The following SZRD1 variants were observed in gnomAD, a reference collection of about 807,000 sequenced individuals.
SZRD1 encodes the protein SUZ RNA binding domain containing 1.
A neutral mutation model predicts 17.6 loss-of-function variants in SZRD1; 7 were observed. The observed-to-expected ratio is 0.40, with a 90% CI of 0.23 to 0.75. SZRD1 has a LOEUF of 0.75. Among genes scored for constraint, SZRD1 ranks in the 30% least tolerant of loss-of-function variants. The pLI is 0.38. For missense variants in SZRD1, 178 were observed against 201.8 expected (o/e 0.88, Z 0.71); for synonymous variants, 77 against 77.9 (o/e 0.99, Z 0.06).
chr1:16,384,100 A>T (rs2083150307), intron 1 of SZRD1, among the ~76,000 whole-genome samples: 1 of 152,198 alleles, frequency 6.6e-6, no homozygotes. Flanking sequence ...GAATAATTAC[A>T]GGAGCATTGG....
chr1:16,394,692 G>A lies in SZRD1; in HGVS notation c.357-346G>A, dbSNP rs114307130. ...TTAAGATGGGGGACATCTAGGCCAG[G>A]TGCAGTAATCCCAGTACTTTGAGAG... On this transcript the variant is annotated intron_variant, in intron 3 of 3. Coordinates refer to ENST00000401088, the MANE Select transcript of SZRD1 (RefSeq NM_001114600.3). 8.4e-3 allele frequency among the ~76,000 whole-genome samples: 1,255 copies of A among 150,192 alleles called. 11 individuals are homozygous for A. The highest frequency in any genetic ancestry group is 0.029 in the African/African-American group (1,194 of 41,366).
At chr1:16,369,771 C>T (rs1167589823) in intron 1 of SZRD1, among the ~76,000 whole-genome samples, 2 of 151,908 alleles carry the variant, frequency 1.3e-5, no homozygotes, top group South Asian at 2.1e-4. Context: ...TACCTGTAAT[C>T]CTAGCTACTT....
intron 1 of SZRD1, among the ~76,000 whole-genome samples, chr1:16,378,134 C>A (rs1431717438): frequency 6.6e-6 from 1 of 152,124 alleles, no homozygotes; most frequent in Non-Finnish European, 1.5e-5. Context: ...CTGAGTGTAT[C>A]CCTCCGGCAT....
intron 1 of SZRD1, among the ~76,000 whole-genome samples, chr1:16,377,884 A>G (rs1469546219): frequency 1.3e-5 from 2 of 152,124 alleles, no homozygotes; most frequent in African/African-American, 4.8e-5. Context: ...TGTAGCCTCT[A>G]TCTGGTTTGG....
intron 1 of SZRD1, among the ~76,000 whole-genome samples, chr1:16,390,211 G>T (rs977260314): frequency 6.6e-6 from 1 of 152,224 alleles, no homozygotes; most frequent in African/African-American, 2.4e-5. Flanking sequence ...CCGTAGGGCA[G>T]CCAAGCAGCC....
At chr1:16,383,591 CT>C (rs150790343) in intron 1 of SZRD1, among the ~76,000 whole-genome samples, 3 of 143,164 alleles carry the variant, frequency 2.1e-5, no homozygotes, top group Admixed American at 1.4e-4. Context: ...TAATTTTTTT[CT>C]TTTTTTTTCT....
intron 1 of SZRD1, among the ~76,000 whole-genome samples, chr1:16,374,484 A>G (rs778334300): frequency 6.6e-6 from 1 of 152,228 alleles, no homozygotes; most frequent in Non-Finnish European, 1.5e-5. Flanking sequence ...GAGAGCTGCC[A>G]TGGTTGCCGT....
intron 1 of SZRD1, among the ~76,000 whole-genome samples, chr1:16,384,738 T>C (rs1182122980): frequency 6.6e-6 from 1 of 152,202 alleles, no homozygotes; most frequent in East Asian, 1.9e-4. Context: ...CTATCCCTTA[T>C]TTCTTCTCTT....
Position 16,395,245 on chromosome 1 carries a change from C to T in SZRD1, c.*105C>T, listed in dbSNP as rs539896944. ...GACAGCTGGACTTGAGCAGAGGGAA[C>T]GACCTGACTTACTTGCACTGTGATC... On this transcript the variant is annotated 3_prime_UTR_variant, in exon 4 of 4. Coordinates refer to ENST00000401088, the MANE Select transcript of SZRD1 (RefSeq NM_001114600.3). 5.7e-5 allele frequency: 46 copies of T among 802,594 alleles called. No individual in the cohort carries two copies. The highest frequency in any genetic ancestry group is 2.0e-4 in the Admixed American group (10 of 50,898). The allele number at this position is 802,594 out of a possible 1,614,324, so 49.7% of individuals were successfully genotyped here. A position where few individuals can be genotyped will look rare whatever the true frequency, so the allele number is the denominator to read the frequency against.
intron 1 of SZRD1, among the ~76,000 whole-genome samples, chr1:16,374,270 G>A (rs1226918363): frequency 6.6e-6 from 1 of 152,180 alleles, no homozygotes; most frequent in Admixed American, 6.5e-5. Context: ...GGACTGTGAT[G>A]TCCTCAGAAG....
chr1:16,393,627 C>T lies in SZRD1; in HGVS notation c.356+145C>T. On this transcript the variant is annotated intron_variant, in intron 3 of 3. Coordinates refer to ENST00000401088, the MANE Select transcript of SZRD1 (RefSeq NM_001114600.3). The surrounding 1 kb of genome is among the most constrained non-coding windows in gnomAD (Gnocchi z 5.6). ...AGCTCCACTTGCTGATCCCAGCCTG[C>T]TGGCACTAGTTCACTGTGCCGCATT... is the stretch of plus-strand genomic sequence containing the variant. The T allele has an allele frequency of 1.4e-5, 13 of 909,226 alleles. No homozygotes were observed. In the South Asian group the frequency reaches 1.5e-4, roughly 11 times the overall value. 56.3% of individuals were successfully genotyped at this position (909,226 alleles called of 1,614,324 possible).
At chr1:16,369,121 T>G (rs1220259298) in intron 1 of SZRD1, 1 of 394,590 alleles carries the variant, frequency 2.5e-6, no homozygotes, top group Non-Finnish European at 4.5e-6. Flanking sequence ...ATTGAAAAAC[T>G]TATACAAAAT....
intron 1 of SZRD1, among the ~76,000 whole-genome samples, chr1:16,369,887 C>CAAA (rs565655605): frequency 1.6e-5 from 2 of 124,764 alleles, no homozygotes; most frequent in Non-Finnish European, 1.7e-5. Flanking sequence ...GAAACTCCAT[C>CAAA]AAAAAAAAAA....
rs41302001 is a variant in SZRD1 at position 16,391,476 on chromosome 1, G to A, written c.101+52G>A. Reference sequence around the variant, plus strand: ...TCATGCTCTCTGTGGTTTGAGAGCCGGGCAGTCAGTGGTGTTCTCCAGCTG... The same window carrying A: ...TCATGCTCTCTGTGGTTTGAGAGCCAGGCAGTCAGTGGTGTTCTCCAGCTG... On this transcript the variant is annotated intron_variant, in intron 2 of 3. Transcript: ENST00000401088. The surrounding 1 kb of genome is among the most constrained non-coding windows in gnomAD (Gnocchi z 4.3). 9.9e-5 allele frequency: 144 copies of A among 1,458,656 alleles called. 1 individual carries two copies. The highest frequency in any genetic ancestry group is 1.3e-4 in the Non-Finnish European group (135 of 1,066,494). The allele number at this position is 1,458,656 out of a possible 1,614,324, so 90.4% of individuals were successfully genotyped here. A position where few individuals can be genotyped will look rare whatever the true frequency, so the allele number is the denominator to read the frequency against.
At chr1:16,384,412 G>A (rs2083154987) in intron 1 of SZRD1, among the ~76,000 whole-genome samples, 1 of 151,184 alleles carries the variant, frequency 6.6e-6, no homozygotes, top group Admixed American at 6.6e-5. Flanking sequence ...AATGGCTAAT[G>A]ATGCGGGAGA....
chr1:16,388,121 A>G (rs1009674993), intron 1 of SZRD1, among the ~76,000 whole-genome samples: 1 of 152,126 alleles, frequency 6.6e-6, no homozygotes, highest in Non-Finnish European at 1.5e-5. Flanking sequence ...TTACATATAT[A>G]TATATATTTT....
In SZRD1 at chr1:16,393,501, G is replaced by A. The variant is rs1397310741; in HGVS notation, c.356+19G>A. ...TCGACAGGTGAGTGTGGCTGGCAGG[G>A]CCGGCCAGTGATGGCTGTCCCAGTC... On this transcript the variant is annotated intron_variant, in intron 3 of 3. Transcript: ENST00000401088. This position sits in a 1 kb window ranked among gnomAD's most constrained non-coding sequence, Gnocchi z 5.6. 1 of 1,590,678 alleles carries A rather than the reference G, an allele frequency of 6.3e-7. No individual in the cohort carries two copies. The highest frequency in any genetic ancestry group is 1.3e-5 in the African/African-American group (1 of 74,278).
Position 16,396,493 on chromosome 1 carries a change from G to A in SZRD1, c.*1353G>A, listed in dbSNP as rs968446647. On this transcript the variant is annotated 3_prime_UTR_variant, in exon 4 of 4. Transcript: ENST00000401088. ...TTATCCTCTGTCCCTGGAGCCTGGG[G>A]TTTGCTTTGGCTCCTTGAGGTGGAA... 2.6e-5 allele frequency: 4 copies of A among 152,348 alleles called. No individual in the cohort carries two copies. The highest frequency in any genetic ancestry group is 2.6e-4 in the Admixed American group (4 of 15,304). 9.4% of individuals were successfully genotyped at this position (152,348 alleles called of 1,614,324 possible).
At position 16,373,388 on chromosome 1, in the gene SZRD1, T is replaced by G. The variant is rs186639750; in HGVS notation, c.51+6080T>G. Among the ~76,000 whole-genome samples, 913 of 152,072 alleles carry G rather than the reference T, an allele frequency of 6.0e-3. 10 individuals are homozygous for G. The highest frequency in any genetic ancestry group is 0.021 in the African/African-American group (865 of 41,484). On this transcript the variant is annotated intron_variant, in intron 1 of 3. Transcript: ENST00000401088. Reference sequence around the variant, plus strand: ...TGAGGTCAGGAGTTCGAGACCAGCTTGACCAACATGGAGAAACCCTGTCTC... The same window carrying G: ...TGAGGTCAGGAGTTCGAGACCAGCTGGACCAACATGGAGAAACCCTGTCTC...
Sources: allele counts gnomAD v4.1 joint callset (sites outside exome capture counted in the v4.1 genomes callset), GRCh38; gene constraint gnomAD v4.1.1; non-coding constraint Gnocchi (gnomAD v3.1); transcripts MANE v1.5; gene names NCBI Gene and HGNC (gene_info 2026-07-23, HGNC 2026-07-21).